GPHN: variants seen among roughly 807,000 people sequenced by gnomAD.
GPHN encodes gephyrin.
Under a neutral mutation model 95.5 loss-of-function variants are expected in GPHN, and 17 were observed. The ratio of observed to expected loss-of-function variants is 0.18; its 90% CI spans 0.12 to 0.27. The LOEUF is 0.27. Among genes scored for constraint, GPHN ranks in the 10% least tolerant of loss-of-function variants. GPHN has a pLI of 1.00. For synonymous variants in GPHN, 320 were observed against 322.5 expected, an observed-to-expected ratio of 0.99 and a Z score of 0.08; for missense variants, 660 against 978.1, an observed-to-expected ratio of 0.67 and a Z score of 4.34.
the GPHN span, among the ~76,000 whole-genome samples, chr14:67,546,831 C>T: frequency 0.091 from 13,833 of 152,240 alleles, 694 homozygotes; most frequent in East Asian, 0.14. Context: ...ACACTACACT[C>T]CAGCCTGGGT....
intron 4 of GPHN, among the ~76,000 whole-genome samples, chr14:66,835,170 C>T (rs370656940): frequency 0.065 from 9,725 of 148,832 alleles, 754 homozygotes; most frequent in African/African-American, 0.19. Context: ...GTCTTGCTAG[C>T]GGTCTATCAA....
At chr14:66,806,714 C>T (rs2060558121) in intron 3 of GPHN, among the ~76,000 whole-genome samples, 1 of 152,190 alleles carries the variant, frequency 6.6e-6, no homozygotes. Flanking sequence ...CACCTTTGCT[C>T]CAGTTCCCAA....
the GPHN span, among the ~76,000 whole-genome samples, chr14:67,325,979 C>CT: frequency 0.18 from 20,030 of 110,254 alleles, 2,362 homozygotes; most frequent in East Asian, 0.38. Flanking sequence ...CGGCTCTTTT[C>CT]TTTTTTTTTT....
At chr14:66,859,677 A>C (rs1157797973) in intron 4 of GPHN, among the ~76,000 whole-genome samples, 1 of 152,246 alleles carries the variant, frequency 6.6e-6, no homozygotes, top group Admixed American at 6.5e-5. Context: ...GTGATCTTTT[A>C]GATAGAGAAT....
intron 10 of GPHN, among the ~76,000 whole-genome samples, chr14:67,026,744 G>A (rs908678973): frequency 2.6e-5 from 4 of 152,142 alleles, no homozygotes; most frequent in Non-Finnish European, 2.9e-5. Context: ...CCGGGTTCAC[G>A]CCATTCTCCT....
At chr14:67,457,196 T>C in the GPHN span, among the ~76,000 whole-genome samples, 1 of 152,018 alleles carries the variant, frequency 6.6e-6, no homozygotes, top group Non-Finnish European at 1.5e-5. Context: ...ATTAGCTGGG[T>C]GACAAAATAA....
At chr14:67,506,208 G>A in the GPHN span, among the ~76,000 whole-genome samples, 1 of 152,032 alleles carries the variant, frequency 6.6e-6, no homozygotes, top group South Asian at 2.1e-4. Flanking sequence ...TTTTTCCATG[G>A]GACTCTGCTT....
the GPHN span, among the ~76,000 whole-genome samples, chr14:67,627,411 C>T: frequency 6.6e-6 from 1 of 151,890 alleles, no homozygotes; most frequent in Non-Finnish European, 1.5e-5. Context: ...ACAGTAAAGA[C>T]ACATTACAAA....
intron 2 of GPHN, among the ~76,000 whole-genome samples, chr14:66,748,190 C>T (rs1410167159): frequency 6.6e-6 from 1 of 151,728 alleles, no homozygotes; most frequent in East Asian, 1.9e-4. Context: ...GGTTAATTAC[C>T]CCATTACTTG....
intron 11 of GPHN, among the ~76,000 whole-genome samples, chr14:67,064,609 G>A (rs1359565562): frequency 2.0e-5 from 3 of 152,120 alleles, no homozygotes; most frequent in Non-Finnish European, 4.4e-5. Flanking sequence ...CTCAATTTCA[G>A]AGCCCATTAT....
chr14:67,219,190 G>A, the GPHN span, among the ~76,000 whole-genome samples: 1 of 152,176 alleles, frequency 6.6e-6, no homozygotes. Context: ...CTAGGCTCAG[G>A]GCTTGTGATG....
At chr14:67,274,451 T>C in the GPHN span, among the ~76,000 whole-genome samples, 1 of 152,324 alleles carries the variant, frequency 6.6e-6, no homozygotes, top group South Asian at 2.1e-4. Context: ...GTACTATTTC[T>C]GAGGGCTCTG....
the GPHN span, chr14:67,395,322 C>T: frequency 7.9e-7 from 1 of 1,260,396 alleles, no homozygotes; most frequent in Non-Finnish European, 1.1e-6. Context: ...AGCACAGAGC[C>T]CCCCCAAGGG....
intron 1 of GPHN, among the ~76,000 whole-genome samples, chr14:66,585,253 G>T (rs988114415): frequency 1.3e-5 from 2 of 151,896 alleles, no homozygotes; most frequent in Non-Finnish European, 2.9e-5. Flanking sequence ...GTTATTTTTT[G>T]TCACGTCTAT....
chr14:66,633,960 T>TG (rs1274587833), intron 1 of GPHN, among the ~76,000 whole-genome samples: 3 of 151,804 alleles, frequency 2.0e-5, no homozygotes, highest in Non-Finnish European at 4.4e-5. Context: ...GTTTTTTTTT[T>TG]TTTTAATAAT....
chr14:67,138,170 C>T (rs189566285), intron 17 of GPHN, among the ~76,000 whole-genome samples: 15 of 152,256 alleles, frequency 9.9e-5, no homozygotes, highest in African/African-American at 3.4e-4. Context: ...GAGTTTGAAC[C>T]TAATACTACC....
chr14:66,704,855 A>T (rs1368629277), intron 2 of GPHN, among the ~76,000 whole-genome samples: 1 of 152,156 alleles, frequency 6.6e-6, no homozygotes, highest in Non-Finnish European at 1.5e-5. Flanking sequence ...AACCCCTCCA[A>T]AAAAATCAGT....
the GPHN span, among the ~76,000 whole-genome samples, chr14:67,702,179 G>A: frequency 6.6e-6 from 1 of 151,788 alleles, no homozygotes; most frequent in African/African-American, 2.4e-5. Context: ...ATGTTGCCCA[G>A]GCTGGTCTCA....
chr14:67,667,417 T>C, the GPHN span, among the ~76,000 whole-genome samples: 2 of 151,822 alleles, frequency 1.3e-5, no homozygotes, highest in African/African-American at 4.8e-5. Flanking sequence ...CATACAAGAG[T>C]TAAAAGCAAC....
Sources: allele counts gnomAD v4.1 joint callset (sites outside exome capture counted in the v4.1 genomes callset), GRCh38; gene constraint gnomAD v4.1.1; transcripts MANE v1.5; gene names NCBI Gene and HGNC (gene_info 2026-07-23, HGNC 2026-07-21).